GRID2: variants seen among roughly 807,000 people sequenced by gnomAD.
The protein encoded by GRID2 is glutamate receptor ionotropic, delta-2.
A neutral mutation model predicts 114.8 loss-of-function variants in GRID2; 33 were observed. The ratio of observed to expected loss-of-function variants is 0.29; its 90% CI spans 0.22 to 0.38. GRID2 has a LOEUF of 0.38. GRID2 is among the 10% of genes least tolerant of loss of function. GRID2 has a pLI of 1.00. For synonymous variants in GRID2, 505 were observed against 449.9 expected (o/e 1.12, Z -1.55); for missense variants, 1,184 against 1,257.7 (o/e 0.94, Z 0.89).
rs574778135 is a variant in GRID2, at chr4:93,071,519, G to A, written c.245-13476G>A. Among the ~76,000 whole-genome samples, 18 of 152,214 alleles carry A rather than the reference G, an allele frequency of 1.2e-4. No individual in the cohort carries two copies. In the South Asian group the frequency reaches 2.9e-3, roughly 25 times the overall value. On this transcript the variant is annotated intron_variant, in intron 2 of 15. Transcript: ENST00000282020. ...TGATAACTATTAAGGAAAATATTAA[G>A]TAAGGTCAGGACATAAAGAATAACA...
At chr4:93,526,193 A>C (rs140433992) in intron 13 of GRID2, among the ~76,000 whole-genome samples, 3 of 152,130 alleles carry the variant, frequency 2.0e-5, no homozygotes, top group African/African-American at 7.2e-5. Context: ...ATAGTGAGTG[A>C]GTTCTTGCCG....
intron 2 of GRID2, among the ~76,000 whole-genome samples, chr4:93,074,781 A>T (rs533594884): frequency 6.6e-6 from 1 of 152,302 alleles, no homozygotes; most frequent in South Asian, 2.1e-4. Context: ...TACCATATAA[A>T]TTATCAGTAT....
At chr4:93,767,504 G>A (rs948260952) in intron 14 of GRID2, among the ~76,000 whole-genome samples, 4 of 152,120 alleles carry the variant, frequency 2.6e-5, no homozygotes, top group Admixed American at 2.6e-4. Context: ...AGGAGAAAAG[G>A]TCCAGGTTGT....
At chr4:92,895,008 T>A (rs540235801) in intron 2 of GRID2, among the ~76,000 whole-genome samples, 3 of 152,158 alleles carry the variant, frequency 2.0e-5, no homozygotes, top group African/African-American at 7.2e-5. Flanking sequence ...CCAGTTAGTT[T>A]ATATATGTTA....
At chr4:93,062,219 A>AT (rs1157605840) in intron 2 of GRID2, among the ~76,000 whole-genome samples, 9 of 152,122 alleles carry the variant, frequency 5.9e-5, no homozygotes, top group Non-Finnish European at 1.2e-4. Context: ...TAAATATAAA[A>AT]TATGCTGTAT....
chr4:93,591,072 G>T (rs1263734451), intron 13 of GRID2, among the ~76,000 whole-genome samples: 3 of 147,256 alleles, frequency 2.0e-5, no homozygotes, highest in East Asian at 4.0e-4. Flanking sequence ...AATTGCCCTG[G>T]CCAGAACTTC....
intron 12 of GRID2, among the ~76,000 whole-genome samples, chr4:93,497,279 G>A (rs1727641029): frequency 6.6e-6 from 1 of 151,584 alleles, no homozygotes; most frequent in African/African-American, 2.4e-5. Flanking sequence ...TGTCATATAG[G>A]TGGTTTGCAA....
intron 1 of GRID2, among the ~76,000 whole-genome samples, chr4:92,382,747 T>C (rs1465799416): frequency 6.6e-6 from 1 of 152,016 alleles, no homozygotes; most frequent in Non-Finnish European, 1.5e-5. Context: ...TGTTCAAATA[T>C]ATATTTTATG....
At chr4:93,469,592 A>G (rs2149432324) in intron 11 of GRID2, among the ~76,000 whole-genome samples, 1 of 152,162 alleles carries the variant, frequency 6.6e-6, no homozygotes, top group Middle Eastern at 3.4e-3. Flanking sequence ...AATCTTCCTT[A>G]CCAAGGCCAA....
intron 1 of GRID2, among the ~76,000 whole-genome samples, chr4:92,484,808 C>G (rs1198395512): frequency 2.0e-5 from 3 of 151,774 alleles, no homozygotes; most frequent in Non-Finnish European, 4.4e-5. Flanking sequence ...TATATTTGAT[C>G]TAAATCTCAT....
intron 1 of GRID2, among the ~76,000 whole-genome samples, chr4:92,429,034 C>T (rs538685342): frequency 2.0e-5 from 3 of 152,110 alleles, no homozygotes; most frequent in African/African-American, 7.2e-5. Context: ...CCCCGACAGG[C>T]CCCAGTGTGT....
intron 2 of GRID2, among the ~76,000 whole-genome samples, chr4:92,687,604 C>T (rs1462374154): frequency 1.3e-5 from 2 of 151,934 alleles, no homozygotes; most frequent in African/African-American, 4.8e-5. Context: ...CCGAGGTGGG[C>T]GGATCATGAG....
intron 1 of GRID2, among the ~76,000 whole-genome samples, chr4:92,510,613 T>G (rs1455576185): frequency 1.3e-5 from 2 of 151,686 alleles, no homozygotes; most frequent in African/African-American, 4.8e-5. Context: ...AGTACAAAGT[T>G]ACAATTAGAT....
chr4:92,781,102 G>C (rs187451447), intron 2 of GRID2, among the ~76,000 whole-genome samples: 1 of 151,886 alleles, frequency 6.6e-6, no homozygotes, highest in East Asian at 2.0e-4. Flanking sequence ...AAAATTAGCC[G>C]GGCATGGTGG....
intron 14 of GRID2, among the ~76,000 whole-genome samples, chr4:93,753,109 G>A (rs1365342666): frequency 6.6e-6 from 1 of 152,142 alleles, no homozygotes; most frequent in East Asian, 1.9e-4. Flanking sequence ...CTTCTTGAAT[G>A]CTGTTTGCTA....
chr4:93,657,120 A>G (rs567315144), intron 14 of GRID2, among the ~76,000 whole-genome samples: 1 of 152,240 alleles, frequency 6.6e-6, no homozygotes, highest in South Asian at 2.1e-4. Context: ...CATTGATAAC[A>G]TCTATTTAAG....
chr4:92,338,566 A>G (rs1022092739), intron 1 of GRID2, among the ~76,000 whole-genome samples: 1 of 152,124 alleles, frequency 6.6e-6, no homozygotes, highest in Non-Finnish European at 1.5e-5. Flanking sequence ...TTGCATATAT[A>G]TAGTATCTCT....
rs182816443 is a variant in GRID2, at chr4:93,660,329, A to G, written c.2360+33894A>G. Among the ~76,000 whole-genome samples the G allele has an allele frequency of 2.6e-3, 403 of 152,306 alleles. No individual in the cohort carries two copies. The Middle Eastern group carries it at 0.037, about 14-fold the overall frequency. Reference sequence around the variant, plus strand: ...ATTATTTTGATATGCCAGCAGATACATGTAGTCACCCAAAGAAGTTTTATA... The same window carrying G: ...ATTATTTTGATATGCCAGCAGATACGTGTAGTCACCCAAAGAAGTTTTATA... On this transcript the variant is annotated intron_variant, in intron 14 of 15. Transcript: ENST00000282020.
chr4:93,539,405 G>C (rs1036777661), intron 13 of GRID2, among the ~76,000 whole-genome samples: 1 of 151,874 alleles, frequency 6.6e-6, no homozygotes, highest in Admixed American at 6.6e-5. Flanking sequence ...TCAACCTCAA[G>C]CTTTTCTCCA....
Sources: gnomAD v4.1 joint callset for allele counts (sites outside exome capture counted in the v4.1 genomes callset) on GRCh38, gnomAD v4.1.1 for gene constraint, MANE v1.5 for transcripts, NCBI Gene and HGNC (gene_info 2026-07-23, HGNC 2026-07-21) for gene names.